Variants in DPP6 observed in about 807,000 individuals in gnomAD.
DPP6 encodes the protein dipeptidyl peptidase like 6, also known as A-type potassium channel modulatory protein DPP6.
Under a neutral mutation model 122.6 loss-of-function variants are expected in DPP6, and 69 were observed. That is an observed-to-expected ratio of 0.56 (90% CI 0.46 to 0.69). The LOEUF (loss-of-function observed/expected upper bound fraction) is 0.69, where lower values mean the gene tolerates loss of function less well. DPP6 is among the 30% of genes least tolerant of loss of function. The probability of loss-of-function intolerance (pLI) is 0.00; values close to 1 mark genes in which losing one functional copy is unlikely to be tolerated. For synonymous variants in DPP6, 418 were observed against 433.1 expected (o/e 0.97, Z 0.43); for missense variants, 928 against 1,116.9 (o/e 0.83, Z 2.41).
intron 1 of DPP6, among the ~76,000 whole-genome samples, chr7:154,269,741 G>A (rs915755281): frequency 2.6e-5 from 4 of 152,050 alleles, no homozygotes; most frequent in African/African-American, 9.7e-5. Flanking sequence ...TGAGATTTTT[G>A]TGACAAGCTT....
At chr7:154,525,268 T>C (rs4726426) in intron 3 of DPP6, among the ~76,000 whole-genome samples, 4,341 of 152,282 alleles carry the variant, frequency 0.029, 96 homozygotes, top group East Asian at 0.086. Context: ...TTCAGCCTCT[T>C]GAGTATCTGG....
At chr7:153,805,690 A>G in the DPP6 span, among the ~76,000 whole-genome samples, 1 of 152,172 alleles carries the variant, frequency 6.6e-6, no homozygotes. Flanking sequence ...TCATAAGTTC[A>G]TGTCCTTTGT....
chr7:154,728,312 G>C (rs1842170120), intron 8 of DPP6, among the ~76,000 whole-genome samples: 1 of 152,222 alleles, frequency 6.6e-6, no homozygotes, highest in Admixed American at 6.5e-5. Context: ...AGTTGGAAAA[G>C]AAAGAATGAG....
At chr7:154,545,035 C>T (rs1029979158) in intron 4 of DPP6, among the ~76,000 whole-genome samples, 1 of 152,218 alleles carries the variant, frequency 6.6e-6, no homozygotes, top group Non-Finnish European at 1.5e-5. Context: ...GAGGCAGAGG[C>T]ATCCAGAGCT....
At chr7:153,883,726 G>A (rs900026522), upstream of DPP6, among the ~76,000 whole-genome samples, 2 of 152,198 alleles carry the variant, frequency 1.3e-5, no homozygotes, top group Admixed American at 1.3e-4. Flanking sequence ...TTCCTCTCCA[G>A]TATTCCATAT....
the DPP6 span, among the ~76,000 whole-genome samples, chr7:153,785,891 C>T: frequency 1.6e-5 from 2 of 122,984 alleles, no homozygotes; most frequent in African/African-American, 6.5e-5. Flanking sequence ...ATTTTTAAAA[C>T]TGTTTTTTTT....
chr7:153,754,459 T>C, the DPP6 span, among the ~76,000 whole-genome samples: 175 of 146,120 alleles, frequency 1.2e-3, no homozygotes, highest in African/African-American at 4.6e-3. Context: ...GTATTATTTT[T>C]CTTTGTCTGC....
intron 7 of DPP6, among the ~76,000 whole-genome samples, chr7:154,724,284 A>G (rs1361406195): frequency 1.3e-5 from 2 of 152,122 alleles, no homozygotes; most frequent in Non-Finnish European, 2.9e-5. Context: ...AATATCTTCC[A>G]GTGTACCCCA....
intron 1 of DPP6, among the ~76,000 whole-genome samples, chr7:154,037,412 T>C (rs1297103185): frequency 1.3e-5 from 2 of 151,314 alleles, no homozygotes; most frequent in Non-Finnish European, 2.9e-5. Context: ...TTTCAGGGGT[T>C]CACTGTTAGC....
chr7:154,886,914 G>T (rs1806196294), intron 22 of DPP6, among the ~76,000 whole-genome samples: 1 of 152,232 alleles, frequency 6.6e-6, no homozygotes, highest in African/African-American at 2.4e-5. Context: ...GAACTCTCCT[G>T]GTCCAAAATG....
At chr7:154,143,394 G>A (rs1585475047) in intron 1 of DPP6, among the ~76,000 whole-genome samples, 1 of 151,454 alleles carries the variant, frequency 6.6e-6, no homozygotes, top group Non-Finnish European at 1.5e-5. Context: ...ACTGGGGGAT[G>A]TAACCTTAAC....
chr7:153,924,056 AG>A (rs1800773691), intron 1 of DPP6, among the ~76,000 whole-genome samples: 1 of 152,120 alleles, frequency 6.6e-6, no homozygotes, highest in Non-Finnish European at 1.5e-5. Context: ...CTGGTTATGC[AG>A]TCTCTCTGTT....
the DPP6 span, among the ~76,000 whole-genome samples, chr7:153,794,031 A>G: frequency 6.6e-6 from 1 of 152,256 alleles, no homozygotes; most frequent in African/African-American, 2.4e-5. Context: ...AGTTTGCTGC[A>G]GGAGCAGGGC....
chr7:154,658,949 C>A (rs1310869158), intron 6 of DPP6, among the ~76,000 whole-genome samples: 1 of 152,160 alleles, frequency 6.6e-6, no homozygotes, highest in Non-Finnish European at 1.5e-5. Context: ...ATTCGCTAGT[C>A]TGGGCAGAGA....
At chr7:154,033,206 TA>T (rs1799348083) in intron 1 of DPP6, among the ~76,000 whole-genome samples, 1 of 152,238 alleles carries the variant, frequency 6.6e-6, no homozygotes, top group Admixed American at 6.5e-5. Context: ...CCTGAGGTTT[TA>T]CTGTGTTGTG....
the DPP6 span, among the ~76,000 whole-genome samples, chr7:153,869,213 C>T: frequency 3.9e-5 from 6 of 152,180 alleles, no homozygotes; most frequent in African/African-American, 9.7e-5. Flanking sequence ...TCCTTGTTAA[C>T]TTTCTGTCTC....
At chr7:154,757,958 G>A (rs1385579930) in intron 8 of DPP6, among the ~76,000 whole-genome samples, 3 of 152,092 alleles carry the variant, frequency 2.0e-5, no homozygotes, top group Admixed American at 6.5e-5. Context: ...CCAACCAAGT[G>A]CCGCGCTCTC....
intron 1 of DPP6, among the ~76,000 whole-genome samples, chr7:154,088,350 G>A (rs1018594172): frequency 6.8e-6 from 1 of 146,684 alleles, no homozygotes; most frequent in Admixed American, 6.7e-5. Context: ...GAGATGTTCT[G>A]TGCCCTCTCT....
rs545528717 is a variant in DPP6 at position 154,306,468 on chromosome 7, C to T, written c.244-139746C>T. Among the ~76,000 whole-genome samples the T allele has an allele frequency of 3.9e-4, 59 of 152,332 alleles. 1 individual carries two copies. The highest frequency in any genetic ancestry group is 1.4e-3 in the African/African-American group (57 of 41,582). On this transcript the variant is annotated intron_variant, in intron 1 of 25. Coordinates refer to ENST00000377770, the MANE Select transcript of DPP6 (RefSeq NM_130797.4). ...AAGCGTGGTAAATCAACAGCTTAAG[C>T]TGACTTCTCCTATTTATTTTAGGGT...
Sources: allele counts gnomAD v4.1 joint callset (sites outside exome capture counted in the v4.1 genomes callset), GRCh38; gene constraint gnomAD v4.1.1; transcripts MANE v1.5; gene names NCBI Gene and HGNC (gene_info 2026-07-23, HGNC 2026-07-21).